The following DDX20 variants were observed in gnomAD, a reference collection of about 807,000 sequenced individuals.
DDX20 encodes the protein probable ATP-dependent RNA helicase DDX20.
In DDX20, 61 loss-of-function variants were observed where a neutral mutation model predicts 76.4. That is an observed-to-expected ratio of 0.80 (90% CI 0.65 to 0.99). The LOEUF (loss-of-function observed/expected upper bound fraction) is 0.99. Ranked by LOEUF, DDX20 falls within the 50% of genes least tolerant of loss-of-function variation. DDX20 has a pLI of 0.00. For missense variants in DDX20, 976 were observed against 996.8 expected, an observed-to-expected ratio of 0.98 and a Z score of 0.28; for synonymous variants, 357 against 357.4, an observed-to-expected ratio of 1.00 and a Z score of 0.01.
At position 111,756,626 on chromosome 1, in the gene DDX20, A is replaced by C; in HGVS notation, c.302-20A>C. 6.2e-7 allele frequency: 1 copy of C among 1,611,420 alleles called. No individual in the cohort carries two copies. The highest frequency in any genetic ancestry group is 8.5e-7 in the Non-Finnish European group (1 of 1,177,682). On this transcript the variant is annotated intron_variant, in intron 1 of 10. Transcript: ENST00000369702. ...CTTCAGTGAGTACTGGCTAGTGATAATTGTTTTTTTCCTTCGCAGATTTAA... is the reference window on the plus strand; with the variant it reads ...CTTCAGTGAGTACTGGCTAGTGATACTTGTTTTTTTCCTTCGCAGATTTAA...
chr1:111,762,158 G>T, intron 7 of DDX20, 97 bp from the exon 8 acceptor site: 1 of 883,562 alleles, frequency 1.1e-6, no homozygotes, highest in Admixed American at 2.3e-5. Context: ...TATTAAAAGT[G>T]TTAAGACTGG....
chr1:111,762,832 A>G (rs762428950), intron 9 of DDX20, 50 bp downstream of exon 9: 11 of 1,510,082 alleles, frequency 7.3e-6, no homozygotes, highest in East Asian at 2.4e-5. Context: ...GGAGGGATCT[A>G]TAATGTGACA....
At chr1:111,762,837 G>A in intron 9 of DDX20, 55 bp downstream of exon 9, 1 of 1,547,886 alleles carries the variant, frequency 6.5e-7, no homozygotes, top group Non-Finnish European at 8.9e-7. Flanking sequence ...GATCTATAAT[G>A]TGACAGGTGG....
intron 10 of DDX20, among the ~76,000 whole-genome samples, chr1:111,763,457 A>T (rs1663716502): frequency 6.6e-6 from 1 of 152,222 alleles, no homozygotes; most frequent in South Asian, 2.1e-4. Flanking sequence ...CTGTAATCCC[A>T]ACTACTTGGG....
intron 7 of DDX20, 186 bp downstream of exon 7, chr1:111,761,470 G>T (rs915241379): frequency 1.9e-6 from 1 of 523,554 alleles, no homozygotes. Context: ...TATTTTTAAG[G>T]AGTAACTTGG....
Position 111,763,606 on chromosome 1 carries a change from T to C in DDX20, c.1312+599T>C, listed in dbSNP as rs142791326. On this transcript the variant is annotated intron_variant, in intron 10 of 10. Coordinates refer to ENST00000369702, the MANE Select transcript of DDX20 (RefSeq NM_007204.5). ...AAAAAAGAAAGAAAAATGAGAGCTATGTTAGCTCTATTTTATTAGTTAGTG... is the reference window on the plus strand; with the variant it reads ...AAAAAAGAAAGAAAAATGAGAGCTACGTTAGCTCTATTTTATTAGTTAGTG... Among the ~76,000 whole-genome samples the C allele has an allele frequency of 1.8e-3, 272 of 151,994 alleles. 2 individuals carry two copies. Among genetic ancestry groups the C allele is most frequent in the Middle Eastern group, 6.8e-3 (2 of 294 alleles).
chr1:111,756,294 C>A, intron 1 of DDX20, 69 bp downstream of exon 1: 1 of 1,357,812 alleles, frequency 7.4e-7, no homozygotes, highest in Non-Finnish European at 9.5e-7. Context: ...GCGGCGGCGG[C>A]CAGGCCCGCG....
In DDX20 at chr1:111,767,631, G is replaced by A. The variant is rs1385378767; in HGVS notation, c.*732G>A. On this transcript the variant is annotated 3_prime_UTR_variant, in exon 11 of 11. Coordinates refer to ENST00000369702, the MANE Select transcript of DDX20 (RefSeq NM_007204.5). ...AGAGGAGCAGCTCTTAATCTTTTTT[G>A]GTTCTTGGATCCTTTTATGAATCAG... is the stretch of plus-strand genomic sequence containing the variant. 2.0e-5 allele frequency: 3 copies of A among 151,962 alleles called. No individual in the cohort carries two copies. Among genetic ancestry groups the A allele is most frequent in the Non-Finnish European group, 4.4e-5 (3 of 67,964 alleles). The allele number at this position is 151,962 out of a possible 1,614,324, so 9.4% of individuals were successfully genotyped here.
At chr1:111,760,380 A>G in intron 3 of DDX20, 94 bp from the exon 4 acceptor site, 1 of 864,302 alleles carries the variant, frequency 1.2e-6, no homozygotes, top group Non-Finnish European at 1.8e-6. Flanking sequence ...ATTCAGCAGA[A>G]CAACCTGTAA....
In DDX20 at chr1:111,766,849, T is replaced by A; in HGVS notation, c.2425T>A (p.Tyr809Asn). The A allele has an allele frequency of 6.2e-7, 1 of 1,613,848 alleles. No individual in the cohort carries two copies. Among genetic ancestry groups the A allele is most frequent in the Non-Finnish European group, 8.5e-7 (1 of 1,179,918 alleles). ...GAGACATCCAAGTTGGATGGCAGCTTATCACATGAATACCATTTATCTACA... is the reference window on the plus strand; with the variant it reads ...GAGACATCCAAGTTGGATGGCAGCTAATCACATGAATACCATTTATCTACA... ...AQRHPSWMAA[Y>N]HMNTIYLQEM... is the part of the protein sequence containing the mutation. Residue 809 changes from tyrosine to asparagine, a missense_variant, in exon 11 of 11, where the codon TAT (tyrosine) becomes AAT (asparagine). This residue lies in a region of DDX20 where 630 missense variants were observed against 693.7 expected (regional missense o/e 0.91). Transcript: ENST00000369702.
chr1:111,756,628 T>G lies in DDX20; in HGVS notation c.302-18T>G. 6.2e-7 allele frequency: 1 copy of G among 1,612,230 alleles called. No homozygotes were observed. The highest frequency in any genetic ancestry group is 8.5e-7 in the Non-Finnish European group (1 of 1,178,334). On this transcript the variant is annotated intron_variant, in intron 1 of 10. Coordinates refer to ENST00000369702, the MANE Select transcript of DDX20 (RefSeq NM_007204.5). Reference sequence around the variant, plus strand: ...TCAGTGAGTACTGGCTAGTGATAATTGTTTTTTTCCTTCGCAGATTTAATT... The same window carrying G: ...TCAGTGAGTACTGGCTAGTGATAATGGTTTTTTTCCTTCGCAGATTTAATT...
rs868667190 is a variant in DDX20, at chr1:111,762,445, C to T, written c.1104+108C>T. The T allele has an allele frequency of 1.2e-5, 11 of 943,350 alleles. 1 individual carries two copies. In the Middle Eastern group the frequency reaches 2.5e-3, roughly 212 times the overall value. The allele number at this position is 943,350 out of a possible 1,614,324, so 58.4% of individuals were successfully genotyped here. On this transcript the variant is annotated intron_variant, in intron 8 of 10. Transcript: ENST00000369702. ...TATGTAGGCGTATCTAACAAGAATA[C>T]CAGAAGATAATTATCTTTCCAGTGC...
intron 2 of DDX20, among the ~76,000 whole-genome samples, chr1:111,757,795 T>A (rs1663590842): frequency 6.6e-6 from 1 of 152,214 alleles, no homozygotes; most frequent in African/African-American, 2.4e-5. Flanking sequence ...AAGATGTATT[T>A]GAGATTTTGG....
At chr1:111,759,293 T>A in intron 2 of DDX20, 107 bp from the exon 3 acceptor site, 1 of 923,376 alleles carries the variant, frequency 1.1e-6, no homozygotes. Context: ...AAAAACTCAT[T>A]TGAAATGATC....
At chr1:111,765,112 T>C (rs1663752679) in intron 10 of DDX20, among the ~76,000 whole-genome samples, 1 of 152,222 alleles carries the variant, frequency 6.6e-6, no homozygotes, top group Non-Finnish European at 1.5e-5. Context: ...AAGCAAATTG[T>C]CACACCTGGA....
chr1:111,765,700 T>G, intron 10 of DDX20, 37 bp from the exon 11 acceptor site: 29 of 1,516,484 alleles, frequency 1.9e-5, no homozygotes, highest in Non-Finnish European at 2.6e-5. Flanking sequence ...TAGAGTAGCT[T>G]GAGAATTTTA....
intron 2 of DDX20, among the ~76,000 whole-genome samples, chr1:111,758,861 T>G (rs1164705329): frequency 2.0e-5 from 3 of 152,196 alleles, no homozygotes; most frequent in Non-Finnish European, 4.4e-5. Context: ...AACTGTTGAT[T>G]CCCCGGCAAC....
At chr1:111,759,282 TA>T in intron 2 of DDX20, 117 bp from the exon 3 acceptor site, 1 of 874,784 alleles carries the variant, frequency 1.1e-6, no homozygotes, top group Non-Finnish European at 1.7e-6. Context: ...ACCTTATCAA[TA>T]AAAACTCATT....
rs775959502 is a variant in DDX20, at chr1:111,766,837, T to G, written c.2413T>G (p.Trp805Gly). 4 of 1,613,932 alleles carry G rather than the reference T, an allele frequency of 2.5e-6. No individual in the cohort carries two copies. In the African/African-American group the frequency reaches 5.3e-5, roughly 22 times the overall value. Reference sequence around the variant, plus strand: ...TTGGAATGCTCAGAGACATCCAAGTTGGATGGCAGCTTATCACATGAATAC... The same window carrying G: ...TTGGAATGCTCAGAGACATCCAAGTGGGATGGCAGCTTATCACATGAATAC... ...YYWNAQRHPS[W>G]MAAYHMNTIY... Residue 805 changes from tryptophan (W) to glycine (G), a missense_variant, in exon 11 of 11, where the codon TGG (tryptophan) becomes GGG (glycine). Trp to Gly is a radical substitution (Grantham distance 184, BLOSUM62 -2). Around this residue, in one of 3 missense-constraint regions of DDX20, gnomAD observed 630 missense variants for 693.7 expected, o/e 0.91. Transcript: ENST00000369702.
Sources: allele counts gnomAD v4.1 joint callset (sites outside exome capture counted in the v4.1 genomes callset), GRCh38; gene constraint gnomAD v4.1.1; regional missense constraint gnomAD v4.1.1; transcripts MANE v1.5; gene names NCBI Gene and HGNC (gene_info 2026-07-23, HGNC 2026-07-21).